CSNK1G1: variants seen among roughly 807,000 people sequenced by gnomAD.
The protein encoded by CSNK1G1 is casein kinase 1 gamma 1.
A neutral mutation model predicts 59.6 loss-of-function variants in CSNK1G1; 22 were observed. The observed-to-expected ratio is 0.37, with a 90% CI of 0.26 to 0.53. CSNK1G1 has a LOEUF of 0.53. CSNK1G1 is among the 20% of genes least tolerant of loss of function. CSNK1G1 has a pLI of 0.89. For missense variants in CSNK1G1, 384 were observed against 519.5 expected, an observed-to-expected ratio of 0.74 and a Z score of 2.54; for synonymous variants, 179 against 177.1, an observed-to-expected ratio of 1.01 and a Z score of -0.08.
intron 1 of CSNK1G1, among the ~76,000 whole-genome samples, chr15:64,336,713 G>C (rs1311832771): frequency 4.6e-5 from 7 of 152,140 alleles, no homozygotes; most frequent in Non-Finnish European, 1.0e-4. Context: ...ACTTTCATTA[G>C]AGAGGAAGTT....
Position 64,214,654 on chromosome 15 carries a change from C to T in CSNK1G1, c.445-530G>A, listed in dbSNP as rs1423822164. ...CTAATTAGCAGCAGAGACAGGGAAA[C>T]AGTTCATTATTATTATTATTATTTT... On this transcript the variant is annotated intron_variant, in intron 5 of 11. Transcript: ENST00000303052. The surrounding 1 kb of genome is among the most constrained non-coding windows in gnomAD (Gnocchi z 4.3). 1.3e-5 allele frequency among the ~76,000 whole-genome samples: 2 copies of T among 151,980 alleles called. No individual in the cohort carries two copies. Among genetic ancestry groups the T allele is most frequent in the Non-Finnish European group, 2.9e-5 (2 of 68,002 alleles).
chr15:64,285,927 C>A (rs900651914), intron 2 of CSNK1G1, among the ~76,000 whole-genome samples: 2 of 151,964 alleles, frequency 1.3e-5, no homozygotes, highest in Non-Finnish European at 2.9e-5. Flanking sequence ...AGTCCAAAAT[C>A]TCTATCATGA....
In CSNK1G1 at chr15:64,332,738, A is replaced by C. The variant is rs1434358918; in HGVS notation, c.-225+23250T>G. Among the ~76,000 whole-genome samples, 3 of 146,110 alleles carry C rather than the reference A, an allele frequency of 2.1e-5. No individual in the cohort carries two copies. In the South Asian group the frequency reaches 6.6e-4, roughly 32 times the overall value. On this transcript the variant is annotated intron_variant, in intron 1 of 11. Coordinates refer to ENST00000303052, the MANE Select transcript of CSNK1G1 (RefSeq NM_022048.5). ...CAAAACAATTTAAAAAAAAACAAAA[A>C]CAAAAAAAAAGTAGTTGAAAAATAA...
chr15:64,275,760 A>T (rs1893575708), intron 2 of CSNK1G1, among the ~76,000 whole-genome samples: 1 of 152,210 alleles, frequency 6.6e-6, no homozygotes, highest in South Asian at 2.1e-4. Flanking sequence ...AAGAAAAAAT[A>T]TATAAAATAA....
chr15:64,320,155 G>A (rs1392341055), intron 1 of CSNK1G1, among the ~76,000 whole-genome samples: 5 of 151,882 alleles, frequency 3.3e-5, no homozygotes, highest in Non-Finnish European at 7.4e-5. Flanking sequence ...GCCTCCCTAA[G>A]TGCTGGGATT....
intron 1 of CSNK1G1, among the ~76,000 whole-genome samples, chr15:64,348,594 C>T (rs779953516): frequency 2.0e-5 from 3 of 152,194 alleles, no homozygotes; most frequent in Non-Finnish European, 4.4e-5. Flanking sequence ...TTTTAATCCT[C>T]TTGCCTTTTC....
chr15:64,198,712 T>G (rs1016721229), intron 10 of CSNK1G1, among the ~76,000 whole-genome samples: 1 of 149,154 alleles, frequency 6.7e-6, no homozygotes, highest in African/African-American at 2.5e-5. Context: ...AGAGAGAGAT[T>G]TGGCTGCAAA....
intron 4 of CSNK1G1, among the ~76,000 whole-genome samples, chr15:64,240,004 C>A (rs778237850): frequency 6.6e-6 from 1 of 152,152 alleles, no homozygotes; most frequent in African/African-American, 2.4e-5. Flanking sequence ...GAGGCTGAGG[C>A]GGGTGGATCA....
chr15:64,237,250 T>C (rs986780521), intron 4 of CSNK1G1, among the ~76,000 whole-genome samples: 1 of 152,144 alleles, frequency 6.6e-6, no homozygotes, highest in African/African-American at 2.4e-5. Flanking sequence ...ATAACAAAAT[T>C]GCACAGGTAT....
intron 2 of CSNK1G1, among the ~76,000 whole-genome samples, chr15:64,274,603 T>C (rs1893505347): frequency 1.3e-5 from 2 of 152,184 alleles, no homozygotes; most frequent in Non-Finnish European, 2.9e-5. Flanking sequence ...GAAAAGGAAC[T>C]GCATTACACA....
intron 4 of CSNK1G1, among the ~76,000 whole-genome samples, chr15:64,219,772 CT>C (rs1413550351): frequency 1.4e-5 from 2 of 143,344 alleles, no homozygotes; most frequent in East Asian, 3.9e-4. Flanking sequence ...TTTTTCTTTT[CT>C]TTTCTTTTTT....
At chr15:64,211,504 G>A (rs745817418) in intron 6 of CSNK1G1, among the ~76,000 whole-genome samples, 19 of 152,058 alleles carry the variant, frequency 1.2e-4, no homozygotes, top group Non-Finnish European at 2.1e-4. Flanking sequence ...CAAAAGTCCC[G>A]GCAGGAATGG....
chr15:64,274,225 A>C (rs1336188828), intron 2 of CSNK1G1, among the ~76,000 whole-genome samples: 1 of 152,232 alleles, frequency 6.6e-6, no homozygotes, highest in Non-Finnish European at 1.5e-5. Context: ...TTTCTTTGCA[A>C]GGGCACAAAT....
chr15:64,181,661 CT>C, intron 10 of CSNK1G1: 1 of 441,392 alleles, frequency 2.3e-6, no homozygotes. Flanking sequence ...CAGTTATTTG[CT>C]GTGGGTCTTT....
chr15:64,195,475 A>T, intron 10 of CSNK1G1, among the ~76,000 whole-genome samples: 1 of 152,232 alleles, frequency 6.6e-6, no homozygotes, highest in East Asian at 1.9e-4. Flanking sequence ...TTGGATTTAA[A>T]GTACTGAAAG....
intron 3 of CSNK1G1, among the ~76,000 whole-genome samples, chr15:64,254,232 G>A (rs1453181361): frequency 6.6e-6 from 1 of 152,008 alleles, no homozygotes; most frequent in Non-Finnish European, 1.5e-5. Context: ...TTGGGGGGAG[G>A]GGAGAATGAG....
chr15:64,234,661 CTAT>C (rs2082591706), intron 4 of CSNK1G1, among the ~76,000 whole-genome samples: 1 of 152,162 alleles, frequency 6.6e-6, no homozygotes, highest in Non-Finnish European at 1.5e-5. Context: ...AAATGGCTTG[CTAT>C]TTAGCAAGTG....
rs115713521 is a variant in CSNK1G1, at chr15:64,247,808, T to C, written c.292+3704A>G. Among the ~76,000 whole-genome samples, 248 of 152,332 alleles carry C rather than the reference T, an allele frequency of 1.6e-3. 2 individuals carry two copies. Among genetic ancestry groups the C allele is most frequent in the African/African-American group, 5.7e-3 (239 of 41,580 alleles). ...TAGTCCCAGGACAACAAAAAGTTCCTATTTTAGGAATTTAATGTCTCAAGC... is the reference window on the plus strand; with the variant it reads ...TAGTCCCAGGACAACAAAAAGTTCCCATTTTAGGAATTTAATGTCTCAAGC... On this transcript the variant is annotated intron_variant, in intron 4 of 11. Transcript: ENST00000303052.
At chr15:64,309,889 C>T (rs937950384) in intron 1 of CSNK1G1, among the ~76,000 whole-genome samples, 2 of 151,994 alleles carry the variant, frequency 1.3e-5, no homozygotes, top group African/African-American at 2.4e-5. Context: ...ACAAGATGAT[C>T]GCTTGAGCCG....
Sources: allele counts gnomAD v4.1 joint callset (sites outside exome capture counted in the v4.1 genomes callset), GRCh38; gene constraint gnomAD v4.1.1; non-coding constraint Gnocchi (gnomAD v3.1); transcripts MANE v1.5; gene names NCBI Gene and HGNC (gene_info 2026-07-23, HGNC 2026-07-21).